The following EYS variants were observed in gnomAD, a reference collection of about 807,000 sequenced individuals.
The protein encoded by EYS is protein eyes shut homolog.
EYS carries 250 observed loss-of-function variants against 282.1 expected under a neutral mutation model. That is an observed-to-expected ratio of 0.89 (90% CI 0.80 to 0.98). EYS has a LOEUF of 0.98. EYS is among the 50% of genes least tolerant of loss of function. The pLI, the probability that EYS is intolerant of heterozygous loss-of-function variation, is 0.00. For synonymous variants in EYS, 1,355 were observed against 1,282.9 expected (o/e 1.06, Z -1.20); for missense variants, 4,016 against 3,709.0 (o/e 1.08, Z -2.15).
chr6:64,746,661 T>C (rs1419506767), intron 22 of EYS, among the ~76,000 whole-genome samples: 1 of 152,194 alleles, frequency 6.6e-6, no homozygotes, highest in African/African-American at 2.4e-5. Flanking sequence ...TGTTGATACC[T>C]CTTAAGCATT....
intron 2 of EYS, among the ~76,000 whole-genome samples, chr6:65,502,027 A>T (rs914913095): frequency 1.3e-5 from 2 of 151,730 alleles, no homozygotes; most frequent in Non-Finnish European, 3.0e-5. Flanking sequence ...TTGATTTTTT[A>T]AAAAATATAA....
intron 30 of EYS, among the ~76,000 whole-genome samples, chr6:64,254,076 T>C (rs1168643187): frequency 6.6e-6 from 1 of 152,064 alleles, no homozygotes; most frequent in Admixed American, 6.6e-5. Flanking sequence ...ATTTGGGAAA[T>C]TGGTGGCAGA....
At chr6:64,889,706 C>A (rs1767218155) in intron 18 of EYS, among the ~76,000 whole-genome samples, 1 of 152,068 alleles carries the variant, frequency 6.6e-6, no homozygotes, top group Non-Finnish European at 1.5e-5. Flanking sequence ...CTTGTGATTT[C>A]CTATGCCCGT....
At chr6:64,120,876 C>T (rs919551221) in intron 31 of EYS, among the ~76,000 whole-genome samples, 3 of 152,186 alleles carry the variant, frequency 2.0e-5, no homozygotes, top group Non-Finnish European at 2.9e-5. Context: ...CTAGGTTTCA[C>T]TGGGATGAAA....
rs115971268 is a variant in EYS at position 64,195,583 on chromosome 6, G to A, written c.6424+35009C>T. Among the ~76,000 whole-genome samples the A allele has an allele frequency of 4.1e-3, 627 of 152,322 alleles. 5 individuals are homozygous for A. Among genetic ancestry groups the A allele is most frequent in the African/African-American group, 0.014 (593 of 41,564 alleles). ...CAAAGTGCTGGTGTTAAAGGCATGA[G>A]CCACTATGCCCAGCTTTTTTATTAC... On this transcript the variant is annotated intron_variant, in intron 31 of 42. Transcript: ENST00000503581.
chr6:65,485,149 T>C (rs1765743161), intron 5 of EYS, among the ~76,000 whole-genome samples: 1 of 152,226 alleles, frequency 6.6e-6, no homozygotes, highest in Non-Finnish European at 1.5e-5. Context: ...AGAAAATCAA[T>C]GATGAATATG....
intron 28 of EYS, among the ~76,000 whole-genome samples, chr6:64,404,984 A>T (rs990135352): frequency 3.3e-5 from 5 of 152,146 alleles, no homozygotes; most frequent in Admixed American, 1.3e-4. Context: ...TATTTATTTT[A>T]TTTTATTTAT....
chr6:64,791,857 G>A (rs190267905), intron 22 of EYS, among the ~76,000 whole-genome samples: 66 of 151,776 alleles, frequency 4.3e-4, no homozygotes, highest in African/African-American at 8.4e-4. Flanking sequence ...GGCATTAATC[G>A]TATATATTTA....
At position 64,277,496 on chromosome 6, in the gene EYS, T is replaced by C. The variant is rs907863657; in HGVS notation, c.6191+29474A>G. Among the ~76,000 whole-genome samples, 19 of 152,060 alleles carry C rather than the reference T, an allele frequency of 1.2e-4. 1 individual carries two copies. The highest frequency in any genetic ancestry group is 4.6e-4 in the Admixed American group (7 of 15,270). ...GAACTGAGATTTATAAAACTATCCA[T>C]AGCGCAGGAGACTTTATTTTCTACA... On this transcript the variant is annotated intron_variant, in intron 30 of 42. Transcript: ENST00000503581.
chr6:64,089,174 A>G (rs1772265087), intron 31 of EYS, among the ~76,000 whole-genome samples: 1 of 151,854 alleles, frequency 6.6e-6, no homozygotes, highest in African/African-American at 2.4e-5. Flanking sequence ...TTTTAATTTA[A>G]AAATATTACA....
At chr6:64,183,667 A>C in intron 31 of EYS, among the ~76,000 whole-genome samples, 1 of 152,300 alleles carries the variant, frequency 6.6e-6, no homozygotes, top group Middle Eastern at 3.4e-3. Context: ...TTTTAAATGT[A>C]AAAGCTATAA....
chr6:64,617,401 C>T lies in EYS; in HGVS notation c.3684+17G>A, dbSNP rs967726000. The T allele has an allele frequency of 6.2e-6, 9 of 1,442,256 alleles. No individual in the cohort carries two copies. In the East Asian group the frequency reaches 7.4e-5, roughly 12 times the overall value. The allele number at this position is 1,442,256 out of a possible 1,614,324, so 89.3% of individuals were successfully genotyped here. A position where few individuals can be genotyped will look rare whatever the true frequency, so the allele number is the denominator to read the frequency against. The stretch of plus-strand genomic sequence containing the variant: ...GAATAAAAAATTATTACAACCACAA[C>T]CACCAGTAATCTTTACCATAAATCC... On this transcript the variant is annotated intron_variant, in intron 24 of 42. Transcript: ENST00000503581.
chr6:65,529,639 A>C (rs951840721), intron 2 of EYS, among the ~76,000 whole-genome samples: 1 of 152,208 alleles, frequency 6.6e-6, no homozygotes, highest in East Asian at 1.9e-4. Context: ...ACACATTATT[A>C]TGGACTGAAT....
intron 29 of EYS, among the ~76,000 whole-genome samples, chr6:64,338,736 C>A (rs1770963459): frequency 6.6e-6 from 1 of 151,988 alleles, no homozygotes; most frequent in Non-Finnish European, 1.5e-5. Flanking sequence ...TCAAACTATA[C>A]TATAAGGCCA....
Position 64,094,849 on chromosome 6 carries a change from G to T in EYS, c.6425-12847C>A, listed in dbSNP as rs185394871. On this transcript the variant is annotated intron_variant, in intron 31 of 42. Coordinates refer to ENST00000503581, the MANE Select transcript of EYS (RefSeq NM_001142800.2). ...TAGTTCTTGTAATTGTGATGTTAGG[G>T]TGTCAATTTTAGATCTTTCCTTCTT... Among the ~76,000 whole-genome samples, 224 of 152,216 alleles carry T rather than the reference G, an allele frequency of 1.5e-3. 1 individual carries two copies. Among genetic ancestry groups the T allele is most frequent in the Middle Eastern group, 3.4e-3 (1 of 294 alleles).
chr6:64,407,058 T>C (rs1310235097), intron 28 of EYS, among the ~76,000 whole-genome samples: 1 of 152,066 alleles, frequency 6.6e-6, no homozygotes, highest in African/African-American at 2.4e-5. Context: ...CAAATGCCCA[T>C]CAATGATGGA....
intron 22 of EYS, among the ~76,000 whole-genome samples, chr6:64,796,090 C>T (rs1453633200): frequency 2.0e-5 from 3 of 152,134 alleles, no homozygotes; most frequent in South Asian, 2.1e-4. Flanking sequence ...AAAATAAAAA[C>T]GCGTACATCT....
chr6:64,883,983 T>C, intron 19 of EYS, among the ~76,000 whole-genome samples: 1 of 151,588 alleles, frequency 6.6e-6, no homozygotes, highest in East Asian at 1.9e-4. Flanking sequence ...ATAAGAACCA[T>C]GTCAGCCTTG....
At chr6:64,586,585 A>G (rs933461624) in intron 26 of EYS, among the ~76,000 whole-genome samples, 14 of 152,084 alleles carry the variant, frequency 9.2e-5, no homozygotes, top group African/African-American at 3.1e-4. Flanking sequence ...TTTCAGAAAG[A>G]AAAAACAAGA....
Sources: gnomAD v4.1 joint callset for allele counts (sites outside exome capture counted in the v4.1 genomes callset) on GRCh38, gnomAD v4.1.1 for gene constraint, MANE v1.5 for transcripts, NCBI Gene and HGNC (gene_info 2026-07-23, HGNC 2026-07-21) for gene names.